Variants in TWF1 observed in about 807,000 individuals in gnomAD.
TWF1 encodes twinfilin actin binding protein 1.
A neutral mutation model predicts 47.9 loss-of-function variants in TWF1; 14 were observed. The ratio of observed to expected loss-of-function variants is 0.29; its 90% confidence interval spans 0.19 to 0.46. The LOEUF (loss-of-function observed/expected upper bound fraction) is 0.46, where lower values mean the gene tolerates loss of function less well. Among genes scored for constraint, TWF1 ranks in the 20% least tolerant of loss-of-function variants. The pLI is 1.00. For missense variants in TWF1, 281 were observed against 409.3 expected, an observed-to-expected ratio of 0.69 and a Z score of 2.70; for synonymous variants, 96 against 139.2, an observed-to-expected ratio of 0.69 and a Z score of 2.18.
chr12:43,797,118 A>G, intron 7 of TWF1, 21 bp from the exon 8 acceptor site: 13 of 1,568,096 alleles, frequency 8.3e-6, no homozygotes, highest in Non-Finnish European at 1.1e-5. Context: ...AAATAATAAC[A>G]AATATAATTA....
intron 1 of TWF1, 102 bp from the exon 2 acceptor site, chr12:43,804,674 G>A (rs1942724997): frequency 5.8e-6 from 4 of 691,116 alleles, no homozygotes; most frequent in South Asian, 2.0e-5. Flanking sequence ...AAAATCTGGA[G>A]CATGTAGCAT....
intron 3 of TWF1, among the ~76,000 whole-genome samples, chr12:43,801,161 T>C (rs557947755): frequency 2.4e-4 from 37 of 152,326 alleles, no homozygotes; most frequent in Admixed American, 4.6e-4. Context: ...GAAGTAACTT[T>C]GATAGTGACA....
intron 5 of TWF1, chr12:43,798,451 G>T: frequency 2.0e-6 from 2 of 977,340 alleles, no homozygotes; most frequent in Non-Finnish European, 2.9e-6. Flanking sequence ...CTCATTCGCA[G>T]TGTTGCAACA....
At chr12:43,803,953 CCA>C in intron 2 of TWF1, among the ~76,000 whole-genome samples, 1 of 152,080 alleles carries the variant, frequency 6.6e-6, no homozygotes, top group South Asian at 2.1e-4. Context: ...AAAGATTCTC[CCA>C]CTCAACCAGA....
rs1942568328 is a variant in TWF1 at position 43,797,177 on chromosome 12, A to G, written c.761-80T>C. The G allele has an allele frequency of 4.7e-6, 7 of 1,488,564 alleles. No individual in the cohort carries two copies. The South Asian group carries it at 8.9e-5, about 19-fold the overall frequency. The allele number at this position is 1,488,564 out of a possible 1,614,324, so 92.2% of individuals were successfully genotyped here. A position where few individuals can be genotyped will look rare whatever the true frequency, so the allele number is the denominator to read the frequency against. On this transcript the variant is annotated intron_variant, in intron 7 of 8. Coordinates refer to ENST00000395510, the MANE Select transcript of TWF1 (RefSeq NM_002822.5). ...AAAACTACATATATAAACTTCATAAAAACAAGTACAGAAACTTCATAAAAC... is the reference window on the plus strand; with the variant it reads ...AAAACTACATATATAAACTTCATAAGAACAAGTACAGAAACTTCATAAAAC...
chr12:43,798,634 A>T, intron 5 of TWF1: 3 of 1,496,426 alleles, frequency 2.0e-6, no homozygotes, highest in Non-Finnish European at 2.7e-6. Context: ...AAAAAAAAAA[A>T]AATCACATAA....
At chr12:43,805,413 C>T in intron 1 of TWF1, 1 of 380,238 alleles carries the variant, frequency 2.6e-6, no homozygotes, top group South Asian at 1.9e-5. Flanking sequence ...AAGTGTTCAT[C>T]TGGGAGAAAG....
chr12:43,803,702 T>G (rs188316841), intron 2 of TWF1, among the ~76,000 whole-genome samples: 1 of 152,216 alleles, frequency 6.6e-6, no homozygotes, highest in East Asian at 1.9e-4. Flanking sequence ...ATACATATAT[T>G]CCTATTGAAT....
chr12:43,806,137 C>A, intron 1 of TWF1, 84 bp downstream of exon 1: 1 of 1,529,738 alleles, frequency 6.5e-7, no homozygotes, highest in Admixed American at 2.0e-5. Context: ...GGCCCGACTC[C>A]AGCCCTGCCG....
chr12:43,801,566 CTTGT>C (rs1250735615), intron 3 of TWF1, among the ~76,000 whole-genome samples: 4 of 152,080 alleles, frequency 2.6e-5, no homozygotes, highest in Non-Finnish European at 5.9e-5. Context: ...TCCTAAAATA[CTTGT>C]TTGTATGCAG....
Position 43,795,768 on chromosome 12 carries a change from A to C in TWF1, c.883-13T>G. 1.2e-6 allele frequency: 2 copies of C among 1,611,118 alleles called. No individual in the cohort carries two copies. Among genetic ancestry groups the C allele is most frequent in the Non-Finnish European group, 1.7e-6 (2 of 1,178,458 alleles). ...TGTCTATCTCGATCTGTAAAAGATAAAATTAGAAGCACAACATTCAAAACC... is the reference window on the plus strand; with the variant it reads ...TGTCTATCTCGATCTGTAAAAGATACAATTAGAAGCACAACATTCAAAACC... On this transcript the variant is annotated splice_polypyrimidine_tract_variant and intron_variant, in intron 8 of 8. Transcript: ENST00000395510.
At chr12:43,796,213 A>G (rs1942547836) in intron 8 of TWF1, among the ~76,000 whole-genome samples, 1 of 152,172 alleles carries the variant, frequency 6.6e-6, no homozygotes. Context: ...GACAGAGATT[A>G]TATGTGGCTT....
chr12:43,797,198 A>T, intron 7 of TWF1, 101 bp from the exon 8 acceptor site: 1 of 1,482,468 alleles, frequency 6.7e-7, no homozygotes, highest in Non-Finnish European at 9.1e-7. Context: ...GAAACTTCAT[A>T]AAACTACAGC....
chr12:43,803,072 A>C (rs543076328), intron 2 of TWF1, among the ~76,000 whole-genome samples: 1 of 151,612 alleles, frequency 6.6e-6, no homozygotes, highest in African/African-American at 2.4e-5. Flanking sequence ...ACTATACAGT[A>C]ACAGTGAAGT....
rs1366975742 is a variant in TWF1, at chr12:43,806,281, T to C, written c.-36A>G. ...GCTAGCTCCCGGCTCCGGCGCTGAG[T>C]GCAGCCAGCGGCCCCGGCCGGCGGC... On this transcript the variant is annotated 5_prime_UTR_variant, in exon 1 of 9. Transcript: ENST00000395510. 2 of 1,487,944 alleles carry C rather than the reference T, an allele frequency of 1.3e-6. No individual in the cohort carries two copies. The highest frequency in any genetic ancestry group is 2.2e-5 in the Admixed American group (1 of 44,564). 92.2% of individuals were successfully genotyped at this position (1,487,944 alleles called of 1,614,324 possible).
At chr12:43,798,942 G>A (rs1168861341) in intron 5 of TWF1, among the ~76,000 whole-genome samples, 2 of 151,954 alleles carry the variant, frequency 1.3e-5, no homozygotes, top group Non-Finnish European at 2.9e-5. Context: ...ATGCTCAACA[G>A]GTACTCAAAT....
rs1323440552 is a variant in TWF1, at chr12:43,804,582, A to C, written c.26-10T>G. On this transcript the variant is annotated splice_polypyrimidine_tract_variant and intron_variant, in intron 1 of 8. Transcript: ENST00000395510. ...TTAACATCTTCACTTGCTGTGGAAA[A>C]AGATAAAGAAAGTAAACTTTTTATA... 5 of 1,574,244 alleles carry C rather than the reference A, an allele frequency of 3.2e-6. No individual in the cohort carries two copies. The South Asian group carries it at 6.0e-5, about 19-fold the overall frequency.
Position 43,800,545 on chromosome 12 carries a change from A to C in TWF1, c.283-15T>G, listed in dbSNP as rs1942641060. The stretch of plus-strand genomic sequence containing the variant: ...TTTTGACGAACCTATTCAGTTGTGA[A>C]AGTTTACTTAGTTTATAGATGAAAA... On this transcript the variant is annotated splice_polypyrimidine_tract_variant and intron_variant, in intron 3 of 8. Transcript: ENST00000395510. 6.3e-7 allele frequency: 1 copy of C among 1,591,776 alleles called. No homozygotes were observed. Among genetic ancestry groups the C allele is most frequent in the African/African-American group, 1.3e-5 (1 of 74,420 alleles).
At chr12:43,805,419 GA>G (rs1045959447) in intron 1 of TWF1, 4 of 384,010 alleles carry the variant, frequency 1.0e-5, no homozygotes, top group African/African-American at 2.1e-5. Flanking sequence ...TCATCTGGGA[GA>G]AAGACTCGCT....
Sources: allele counts gnomAD v4.1 joint callset (sites outside exome capture counted in the v4.1 genomes callset), GRCh38; gene constraint gnomAD v4.1.1; transcripts MANE v1.5; gene names NCBI Gene and HGNC (gene_info 2026-07-23, HGNC 2026-07-21).